PRKAR2A: variants seen among roughly 807,000 people sequenced by gnomAD.
PRKAR2A encodes the protein cAMP-dependent protein kinase type II-alpha regulatory subunit.
A neutral mutation model predicts 51.9 loss-of-function variants in PRKAR2A; 29 were observed. The ratio of observed to expected loss-of-function variants is 0.56; its 90% CI spans 0.42 to 0.76. The LOEUF is 0.76. Ranked by LOEUF, PRKAR2A falls within the 30% of genes least tolerant of loss-of-function variation. The probability of loss-of-function intolerance (pLI) is 0.00; values close to 1 mark genes in which losing one functional copy is unlikely to be tolerated. For missense variants in PRKAR2A, 445 were observed against 512.1 expected, an observed-to-expected ratio of 0.87 and a Z score of 1.26; for synonymous variants, 178 against 186.2, an observed-to-expected ratio of 0.96 and a Z score of 0.36.
chr3:48,834,740 A>G (rs561201367), intron 1 of PRKAR2A, among the ~76,000 whole-genome samples: 48 of 152,128 alleles, frequency 3.2e-4, no homozygotes, highest in Non-Finnish European at 5.1e-4. Context: ...AAAAAAAAAA[A>G]AAAGGTGAAA....
At chr3:48,818,848 C>T (rs1264056876) in intron 1 of PRKAR2A, among the ~76,000 whole-genome samples, 4 of 152,184 alleles carry the variant, frequency 2.6e-5, no homozygotes, top group African/African-American at 9.6e-5. Flanking sequence ...GACTTAATGA[C>T]CCTATGTATA....
chr3:48,828,107 C>A (rs2083099448), intron 1 of PRKAR2A, among the ~76,000 whole-genome samples: 1 of 152,202 alleles, frequency 6.6e-6, no homozygotes, highest in African/African-American at 2.4e-5. Flanking sequence ...CTCAGGCGAT[C>A]CACCCACCTC....
chr3:48,795,967 A>G (rs1265751205), intron 2 of PRKAR2A, among the ~76,000 whole-genome samples: 6 of 152,192 alleles, frequency 3.9e-5, no homozygotes, highest in Non-Finnish European at 8.8e-5. Context: ...ATCGATACAA[A>G]TCATTATTTT....
At chr3:48,829,703 T>TAA (rs2083145400) in intron 1 of PRKAR2A, among the ~76,000 whole-genome samples, 14 of 81,456 alleles carry the variant, frequency 1.7e-4, no homozygotes, top group Middle Eastern at 6.1e-3. Context: ...CGTGTGTATA[T>TAA]ATTCTTATAC....
At position 48,773,016 on chromosome 3, in the gene PRKAR2A, A is replaced by T. The variant is rs756543786; in HGVS notation, c.635T>A (p.Met212Lys). 6.2e-7 allele frequency: 1 copy of T among 1,614,016 alleles called. No individual in the cohort carries two copies. Among genetic ancestry groups the T allele is most frequent in the Non-Finnish European group, 8.5e-7 (1 of 1,179,912 alleles). ...NRGSFGELAL[M>K]YNTPRAATIV... is the part of the protein sequence containing the mutation. The stretch of plus-strand genomic sequence containing the variant: ...GGTAGCAGCTCTCGGGGTGTTGTAC[A>T]TCAGAGCTAGTTCTCCAAAACTGCC... The change falls in exon 6 of 11, where the codon ATG becomes AAG. Residue 212 changes from methionine to lysine, a missense_variant. Transcript: ENST00000265563.
chr3:48,791,654 C>A (rs1462607475), intron 3 of PRKAR2A, among the ~76,000 whole-genome samples: 1 of 146,114 alleles, frequency 6.8e-6, no homozygotes, highest in Admixed American at 7.0e-5. Flanking sequence ...CCCAGGTAAT[C>A]CCAGCACTTT....
Position 48,790,583 on chromosome 3 carries a change from T to C in PRKAR2A, c.396A>G (p.Glu132=). 6.5e-7 allele frequency: 1 copy of C among 1,543,182 alleles called. No homozygotes were observed. The highest frequency in any genetic ancestry group is 8.7e-7 in the Non-Finnish European group (1 of 1,147,054). The change falls in exon 4 of 11, where the codon GAA becomes GAG. Residue 132 remains glutamate (E), a synonymous_variant. Coordinates refer to ENST00000265563, the MANE Select transcript of PRKAR2A (RefSeq NM_004157.4). ...TGAAAAGGAGAATATCTTTGCAAGC[T>C]TCCTGAAGTCTGCATCTCTGTTCAT... ...KTDEQRCRLQ[E]ACKDILLFKN...
rs369278852 is a variant in PRKAR2A, at chr3:48,821,322, C to T, written c.263-13638G>A. Among the ~76,000 whole-genome samples the T allele has an allele frequency of 4.6e-5, 7 of 152,252 alleles. No individual in the cohort carries two copies. In the South Asian group the frequency reaches 8.3e-4, roughly 18 times the overall value. On this transcript the variant is annotated intron_variant, in intron 1 of 10. Coordinates refer to ENST00000265563, the MANE Select transcript of PRKAR2A (RefSeq NM_004157.4). ...TAAAGACCAGCTTTGCTTCATGCTCCCAGAACTAGGGAAATACCTCCTCCT... is the reference window on the plus strand; with the variant it reads ...TAAAGACCAGCTTTGCTTCATGCTCTCAGAACTAGGGAAATACCTCCTCCT...
downstream of PRKAR2A, among the ~76,000 whole-genome samples, chr3:48,746,355 A>T (rs2081561904): frequency 3.5e-5 from 1 of 28,640 alleles, no homozygotes; most frequent in Non-Finnish European, 1.2e-4. Flanking sequence ...CCTGTCACTA[A>T]AAAAAAAAAA....
rs551245282 is a variant in PRKAR2A at position 48,834,374 on chromosome 3, C to A, written c.262+12961G>T. 1.2e-3 allele frequency among the ~76,000 whole-genome samples: 189 copies of A among 152,032 alleles called. 2 individuals carry two copies. Among genetic ancestry groups the A allele is most frequent in the African/African-American group, 3.9e-3 (162 of 41,470 alleles). On this transcript the variant is annotated intron_variant, in intron 1 of 10. Transcript: ENST00000265563. ...GAAGCACAGCAACACGGAAAAAAAA[C>A]AATAACAAACAAAAAAGAGCTAAAA... is the stretch of plus-strand genomic sequence containing the variant.
intron 1 of PRKAR2A, among the ~76,000 whole-genome samples, chr3:48,830,554 G>A (rs1199239456): frequency 6.6e-6 from 1 of 152,092 alleles, no homozygotes; most frequent in Non-Finnish European, 1.5e-5. Context: ...CAAGTATCAT[G>A]TACTACAACA....
intron 2 of PRKAR2A, among the ~76,000 whole-genome samples, chr3:48,803,195 T>C (rs2082617643): frequency 6.6e-6 from 1 of 152,040 alleles, no homozygotes; most frequent in Admixed American, 6.6e-5. Flanking sequence ...AAGAGGATAG[T>C]TTGAAACCAG....
intron 1 of PRKAR2A, among the ~76,000 whole-genome samples, chr3:48,844,035 C>G (rs1237372352): frequency 2.7e-5 from 4 of 150,054 alleles, no homozygotes; most frequent in African/African-American, 9.7e-5. Context: ...AAACTACCAT[C>G]AGAGTGAACA....
chr3:48,776,753 A>T (rs2082111984), intron 5 of PRKAR2A, among the ~76,000 whole-genome samples: 1 of 152,112 alleles, frequency 6.6e-6, no homozygotes, highest in African/African-American at 2.4e-5. Context: ...AGGCAGGAGA[A>T]TCACTTGAAA....
intron 1 of PRKAR2A, among the ~76,000 whole-genome samples, chr3:48,815,222 A>T (rs2082854361): frequency 6.6e-6 from 1 of 151,976 alleles, no homozygotes; most frequent in Admixed American, 6.6e-5. Context: ...CCTTCAATTT[A>T]CCAGTTCTAA....
At chr3:48,825,536 T>G (rs1049499830) in intron 1 of PRKAR2A, among the ~76,000 whole-genome samples, 12 of 151,952 alleles carry the variant, frequency 7.9e-5, no homozygotes, top group Non-Finnish European at 1.5e-4. Flanking sequence ...CCCAGCTACC[T>G]GGGAGGCTGA....
At chr3:48,755,863 C>T (rs1273769811) in intron 9 of PRKAR2A, among the ~76,000 whole-genome samples, 9 of 150,922 alleles carry the variant, frequency 6.0e-5, no homozygotes, top group Non-Finnish European at 1.2e-4. Flanking sequence ...ACTGCAAGCT[C>T]TGCCTCCGGT....
chr3:48,804,330 G>A (rs547777626), intron 2 of PRKAR2A, among the ~76,000 whole-genome samples: 13 of 152,054 alleles, frequency 8.5e-5, no homozygotes, highest in South Asian at 4.2e-4. Context: ...GCATGGTAGC[G>A]TGCACCTGTG....
intron 5 of PRKAR2A, among the ~76,000 whole-genome samples, chr3:48,779,821 AAAT>A (rs1371452074): frequency 6.8e-6 from 1 of 146,988 alleles, no homozygotes; most frequent in African/African-American, 2.6e-5. Flanking sequence ...ATAAATAAAT[AAAT>A]AAATAAAATA....
Sources: allele counts gnomAD v4.1 joint callset (sites outside exome capture counted in the v4.1 genomes callset), GRCh38; gene constraint gnomAD v4.1.1; transcripts MANE v1.5; gene names NCBI Gene and HGNC (gene_info 2026-07-23, HGNC 2026-07-21).